SGCD: variants seen among roughly 807,000 people sequenced by gnomAD.
SGCD encodes the protein sarcoglycan delta.
Under a neutral mutation model 36.6 loss-of-function variants are expected in SGCD, and 18 were observed. The observed-to-expected ratio is 0.49, with a 90% confidence interval of 0.34 to 0.73. The LOEUF (loss-of-function observed/expected upper bound fraction) is 0.73, where lower values mean the gene tolerates loss of function less well. Ranked by LOEUF, SGCD falls within the 30% of genes least tolerant of loss-of-function variation. The pLI is 0.01. For missense variants in SGCD, 387 were observed against 346.7 expected, an observed-to-expected ratio of 1.12 and a Z score of -0.92; for synonymous variants, 133 against 130.6, an observed-to-expected ratio of 1.02 and a Z score of -0.12.
the SGCD span, among the ~76,000 whole-genome samples, chr5:155,838,248 A>C: frequency 1.8e-4 from 27 of 152,198 alleles, no homozygotes; most frequent in Non-Finnish European, 3.4e-4. Flanking sequence ...TCAGTGGTTA[A>C]ATTCCACCAA....
Position 156,057,743 on chromosome 5 carries a change from T to C in SGCD, c.-281-60135T>C, listed in dbSNP as rs778472047. 1.2e-4 allele frequency among the ~76,000 whole-genome samples: 18 copies of C among 145,960 alleles called. 3 individuals are homozygous for C. The highest frequency in any genetic ancestry group is 1.1e-3 in the South Asian group (5 of 4,612). On this transcript the variant is annotated intron_variant, in intron 1 of 9. Transcript: ENST00000517913. ...AGTGAAACTGTCTCCTGCTGGCCAA[T>C]GATGGAAGGATTTGGGCACTAACAA...
chr5:156,171,740 T>TA (rs1763351251), intron 3 of SGCD, among the ~76,000 whole-genome samples: 1 of 152,162 alleles, frequency 6.6e-6, no homozygotes, highest in Non-Finnish European at 1.5e-5. Context: ...ATAAAGAGTT[T>TA]AAAAATGGGG....
At chr5:156,175,177 A>G (rs1249451711) in intron 3 of SGCD, among the ~76,000 whole-genome samples, 3 of 152,204 alleles carry the variant, frequency 2.0e-5, no homozygotes, top group Admixed American at 2.0e-4. Context: ...AGAGACTGTA[A>G]AAATAACCAA....
chr5:155,966,934 C>CGT (rs1757912500), intron 1 of SGCD, among the ~76,000 whole-genome samples: 2 of 126,270 alleles, frequency 1.6e-5, no homozygotes, highest in East Asian at 2.2e-4. Context: ...TATAGGTTTT[C>CGT]ATGTGTGTGT....
intron 1 of SGCD, among the ~76,000 whole-genome samples, chr5:156,110,822 A>C (rs1761765072): frequency 6.6e-6 from 1 of 152,162 alleles, no homozygotes; most frequent in African/African-American, 2.4e-5. Flanking sequence ...AAGATAAGTA[A>C]TGTTCTTCTA....
intron 7 of SGCD, among the ~76,000 whole-genome samples, chr5:156,725,772 AG>A (rs1755741389): frequency 6.6e-6 from 1 of 152,204 alleles, no homozygotes. Flanking sequence ...TTTCTCAGAA[AG>A]GGCATTGGCA....
chr5:156,756,504 C>T (rs1304986310), intron 7 of SGCD, among the ~76,000 whole-genome samples: 1 of 152,136 alleles, frequency 6.6e-6, no homozygotes, highest in Non-Finnish European at 1.5e-5. Flanking sequence ...TGTGCCACTG[C>T]ACTCCAGCCT....
intron 3 of SGCD, among the ~76,000 whole-genome samples, chr5:156,132,845 A>G (rs1281535037): frequency 1.3e-5 from 2 of 152,196 alleles, no homozygotes; most frequent in Admixed American, 1.3e-4. Context: ...TTCATCATGC[A>G]TTGAAATTTT....
intron 3 of SGCD, among the ~76,000 whole-genome samples, chr5:156,464,080 TCA>T (rs1214241270): frequency 6.6e-6 from 1 of 152,144 alleles, no homozygotes; most frequent in Non-Finnish European, 1.5e-5. Flanking sequence ...TGTTTAAAAC[TCA>T]CAACAATCCT....
intron 1 of SGCD, among the ~76,000 whole-genome samples, chr5:156,039,788 A>G (rs1041330117): frequency 2.6e-5 from 4 of 152,284 alleles, no homozygotes; most frequent in African/African-American, 9.6e-5. Flanking sequence ...AGAGAAAGAG[A>G]AGTAACATAT....
At chr5:156,502,158 T>G (rs1333903740) in intron 3 of SGCD, among the ~76,000 whole-genome samples, 1 of 151,934 alleles carries the variant, frequency 6.6e-6, no homozygotes, top group Admixed American at 6.5e-5. Flanking sequence ...GCCATTCTCC[T>G]GCCTCAGCCT....
chr5:156,415,269 G>C lies in SGCD; in HGVS notation c.192+70592G>C, dbSNP rs531191541. Reference sequence around the variant, plus strand: ...GGTATTTCTCCGCAACCCAGATTTTGCATTATCAGAGCACTGCCCTGCTCT... The same window carrying C: ...GGTATTTCTCCGCAACCCAGATTTTCCATTATCAGAGCACTGCCCTGCTCT... On this transcript the variant is annotated intron_variant, in intron 3 of 8. Transcript: ENST00000337851. Among the ~76,000 whole-genome samples, 41 of 152,266 alleles carry C rather than the reference G, an allele frequency of 2.7e-4. No individual in the cohort carries two copies. The South Asian group carries it at 7.0e-3, about 26-fold the overall frequency.
intron 1 of SGCD, among the ~76,000 whole-genome samples, chr5:155,872,190 T>A (rs1012053155): frequency 3.3e-5 from 5 of 152,094 alleles, no homozygotes; most frequent in Admixed American, 3.3e-4. Context: ...CTTTCCTAGG[T>A]GAGTAATGCC....
intron 7 of SGCD, among the ~76,000 whole-genome samples, chr5:156,723,773 A>C (rs1357488610): frequency 6.6e-6 from 1 of 152,130 alleles, no homozygotes; most frequent in Non-Finnish European, 1.5e-5. Flanking sequence ...CAGACAACGC[A>C]GGGCTTGTGG....
chr5:156,328,981 C>T (rs762961324), intron 1 of SGCD, among the ~76,000 whole-genome samples: 1 of 152,126 alleles, frequency 6.6e-6, no homozygotes, highest in Admixed American at 6.5e-5. Context: ...CTATATTTAG[C>T]GTGCGTCAAG....
At chr5:156,576,327 A>T (rs1399586755) in intron 4 of SGCD, among the ~76,000 whole-genome samples, 2 of 152,122 alleles carry the variant, frequency 1.3e-5, no homozygotes, top group African/African-American at 2.4e-5. Context: ...TCTATCATTG[A>T]TGGACATTTG....
chr5:155,897,103 TAGTGCAAAAATCAC>T (rs1466972427), intron 1 of SGCD, among the ~76,000 whole-genome samples: 20 of 152,314 alleles, frequency 1.3e-4, no homozygotes, highest in African/African-American at 4.8e-4. Flanking sequence ...GATTTCATCT[TAGTGCAAAAATCAC>T]AGAGTATACT....
chr5:156,275,318 T>A (rs529247591), intron 3 of SGCD, among the ~76,000 whole-genome samples: 1 of 152,220 alleles, frequency 6.6e-6, no homozygotes, highest in East Asian at 1.9e-4. Flanking sequence ...ATGCCAGGAT[T>A]TCTATGTATG....
chr5:156,045,527 T>C (rs769003750), intron 1 of SGCD, among the ~76,000 whole-genome samples: 7 of 152,158 alleles, frequency 4.6e-5, no homozygotes, highest in Admixed American at 2.0e-4. Flanking sequence ...TGGACCTATA[T>C]AATTCAGCCT....
Sources: gnomAD v4.1 joint callset for allele counts (sites outside exome capture counted in the v4.1 genomes callset) on GRCh38, gnomAD v4.1.1 for gene constraint, MANE v1.5 for transcripts, NCBI Gene and HGNC (gene_info 2026-07-23, HGNC 2026-07-21) for gene names.